The following HEBP2 variants were observed in gnomAD, a reference collection of about 807,000 sequenced individuals.
HEBP2 encodes heme-binding protein 2.
HEBP2 carries 27 observed loss-of-function variants against 23.1 expected under a neutral mutation model. The ratio of observed to expected loss-of-function variants is 1.17; its 90% CI spans 0.86 to 1.61. The LOEUF (loss-of-function observed/expected upper bound fraction) is 1.61, where lower values mean the gene tolerates loss of function less well. HEBP2 is among the 40% of genes most tolerant of loss of function. The pLI is 0.00. For synonymous variants in HEBP2, 99 were observed against 95.1 expected, an observed-to-expected ratio of 1.04 and a Z score of -0.24; for missense variants, 245 against 253.8, an observed-to-expected ratio of 0.97 and a Z score of 0.24.
Position 138,420,081 on chromosome 6 carries a change from C to T in HEBP2, c.*7003C>T, listed in dbSNP as rs1261524006. The T allele has an allele frequency of 6.6e-6, 1 of 152,278 alleles. No homozygotes were observed. The highest frequency in any genetic ancestry group is 1.5e-5 in the Non-Finnish European group (1 of 68,104). The allele number at this position is 152,278 out of a possible 1,614,324, so 9.4% of individuals were successfully genotyped here. ...CCCACTGGAGGCACCCTCTGTACTC[C>T]TTGCCCAGTTGTAACTGAATGGACT... On this transcript the variant is annotated 3_prime_UTR_variant, in exon 4 of 4. Coordinates refer to ENST00000607197, the MANE Select transcript of HEBP2 (RefSeq NM_014320.3).
chr6:138,416,715 T>C lies in HEBP2; in HGVS notation c.*3637T>C, dbSNP rs1774847875. ...CCTGACCTGTAAAGTCTCATGGAAA[T>C]AGTTGGTAGAACAAGGCATTCCTAG... On this transcript the variant is annotated 3_prime_UTR_variant, in exon 4 of 4. Transcript: ENST00000607197. The C allele has an allele frequency of 6.6e-6, 1 of 152,122 alleles. No homozygotes were observed. Among genetic ancestry groups the C allele is most frequent in the Non-Finnish European group, 1.5e-5 (1 of 68,026 alleles). The allele number at this position is 152,122 out of a possible 1,614,324, so 9.4% of individuals were successfully genotyped here. A position where few individuals can be genotyped will look rare whatever the true frequency, so the allele number is the denominator to read the frequency against.
intron 3 of HEBP2, among the ~76,000 whole-genome samples, chr6:138,411,793 A>T (rs1774749573): frequency 6.6e-6 from 1 of 152,188 alleles, no homozygotes; most frequent in Admixed American, 6.5e-5. Flanking sequence ...CCCTGTCTCT[A>T]CAGGTTTTTT....
chr6:138,410,102 A>G (rs80294191), intron 3 of HEBP2, among the ~76,000 whole-genome samples: 2,722 of 152,200 alleles, frequency 0.018, 91 homozygotes, highest in African/African-American at 0.062. Context: ...TTCTCCACCT[A>G]GCTAGGTACT....
intron 3 of HEBP2, 57 bp downstream of exon 3, chr6:138,406,208 A>G: frequency 4.1e-6 from 6 of 1,465,688 alleles, no homozygotes; most frequent in Non-Finnish European, 5.7e-6. Context: ...GCGTGCACTC[A>G]CAGTTTAGCT....
In HEBP2 at chr6:138,420,298, GC is replaced by G. The variant is rs1774899825; in HGVS notation, c.*7221del. The G allele has an allele frequency of 6.6e-6, 1 of 152,146 alleles. No individual in the cohort carries two copies. The highest frequency in any genetic ancestry group is 2.1e-4 in the South Asian group (1 of 4,820). The allele number at this position is 152,146 out of a possible 1,614,324, so 9.4% of individuals were successfully genotyped here. A position where few individuals can be genotyped will look rare whatever the true frequency, so the allele number is the denominator to read the frequency against. On this transcript the variant is annotated 3_prime_UTR_variant, in exon 4 of 4. Coordinates refer to ENST00000607197, the MANE Select transcript of HEBP2 (RefSeq NM_014320.3). ...GTTCCAAAACCATTTGCAGGAAGGT[GC>G]TATAGTTGGTCCTACCAAACTCCTC...
rs919296887 is a variant in HEBP2, at chr6:138,414,511, G to A, written c.*1433G>A. The A allele has an allele frequency of 2.6e-5, 4 of 151,988 alleles. No individual in the cohort carries two copies. The highest frequency in any genetic ancestry group is 9.7e-5 in the African/African-American group (4 of 41,334). The allele number at this position is 151,988 out of a possible 1,614,324, so 9.4% of individuals were successfully genotyped here. A position where few individuals can be genotyped will look rare whatever the true frequency, so the allele number is the denominator to read the frequency against. On this transcript the variant is annotated 3_prime_UTR_variant, in exon 4 of 4. Transcript: ENST00000607197. ...GTCAGTTTTATTCAGGATTTGAAGT[G>A]GTGGCAGACAACGTGAGGTGTGCCA...
chr6:138,406,199 C>CAGTCA, intron 3 of HEBP2, 48 bp downstream of exon 3: 1 of 1,521,566 alleles, frequency 6.6e-7, no homozygotes, highest in Non-Finnish European at 9.1e-7. Context: ...GTTTTACTTG[C>CAGTCA]GTGCACTCAC....
intron 3 of HEBP2, among the ~76,000 whole-genome samples, chr6:138,407,363 A>C (rs1240686550): frequency 6.6e-6 from 1 of 152,260 alleles, no homozygotes; most frequent in Non-Finnish European, 1.5e-5. Context: ...GGGAAAAAAG[A>C]AATGGGTAAC....
upstream of HEBP2, chr6:138,404,122 A>C: frequency 4.6e-6 from 1 of 215,778 alleles, no homozygotes; most frequent in Non-Finnish European, 9.0e-6. Context: ...GCCACCCCCT[A>C]CTGCCCGCGG....
chr6:138,406,281 T>C (rs1348184497), intron 3 of HEBP2, 130 bp downstream of exon 3: 4 of 793,348 alleles, frequency 5.0e-6, no homozygotes, highest in Non-Finnish European at 6.2e-6. Flanking sequence ...CATTTTGTGA[T>C]GTTTTCCTAC....
In HEBP2 at chr6:138,404,269, G is replaced by C. The variant is rs139293128; in HGVS notation, c.-227G>C. 2.6e-3 allele frequency: 849 copies of C among 328,184 alleles called. 4 individuals are homozygous for C. Among genetic ancestry groups the C allele is most frequent in the Middle Eastern group, 0.021 (25 of 1,198 alleles). The allele number at this position is 328,184 out of a possible 1,614,324, so 20.3% of individuals were successfully genotyped here. A position where few individuals can be genotyped will look rare whatever the true frequency, so the allele number is the denominator to read the frequency against. ...GGGGCAGGACGCGCAACTCCGGCCG[G>C]AGCTGTCCGGGGTCGTGAGCCGGCC... On this transcript the variant is annotated 5_prime_UTR_variant, in exon 1 of 4. Coordinates refer to ENST00000607197, the MANE Select transcript of HEBP2 (RefSeq NM_014320.3).
At position 138,415,759 on chromosome 6, in the gene HEBP2, A is replaced by T. The variant is rs1163870247; in HGVS notation, c.*2681A>T. 2 of 152,178 alleles carry T rather than the reference A, an allele frequency of 1.3e-5. No individual in the cohort carries two copies. The allele number at this position is 152,178 out of a possible 1,614,324, so 9.4% of individuals were successfully genotyped here. A position where few individuals can be genotyped will look rare whatever the true frequency, so the allele number is the denominator to read the frequency against. On this transcript the variant is annotated 3_prime_UTR_variant, in exon 4 of 4. Coordinates refer to ENST00000607197, the MANE Select transcript of HEBP2 (RefSeq NM_014320.3). ...GATCAAGGTTGGAATCAAACTTGGGATCCCAAAACATGGGATGGGAGCATT... is the reference window on the plus strand; with the variant it reads ...GATCAAGGTTGGAATCAAACTTGGGTTCCCAAAACATGGGATGGGAGCATT...
At chr6:138,412,074 T>C in intron 3 of HEBP2, 2 of 449,868 alleles carry the variant, frequency 4.4e-6, no homozygotes, top group Non-Finnish European at 8.9e-6. Flanking sequence ...TGTTTATTCT[T>C]TTCCTTAGGA....
chr6:138,417,348 T>C lies in HEBP2; in HGVS notation c.*4270T>C, dbSNP rs1302006389. ...TCAGGGCAGTAAACCATAATAAATA[T>C]TGCCTTGAACAGTATTTTTTAAGCA... On this transcript the variant is annotated 3_prime_UTR_variant, in exon 4 of 4. Transcript: ENST00000607197. The C allele has an allele frequency of 6.6e-6, 1 of 152,200 alleles. No individual in the cohort carries two copies. Among genetic ancestry groups the C allele is most frequent in the African/African-American group, 2.4e-5 (1 of 41,454 alleles). The allele number at this position is 152,200 out of a possible 1,614,324, so 9.4% of individuals were successfully genotyped here. A position where few individuals can be genotyped will look rare whatever the true frequency, so the allele number is the denominator to read the frequency against.
chr6:138,406,242 T>C (rs1774643431), intron 3 of HEBP2, 91 bp downstream of exon 3: 2 of 1,162,096 alleles, frequency 1.7e-6, no homozygotes, highest in African/African-American at 3.1e-5. Context: ...AAAAGGCTTT[T>C]TCACCCTTCC....
chr6:138,413,032 A>C lies in HEBP2; in HGVS notation c.572A>C (p.Glu191Ala), dbSNP rs14812. 3,962 of 1,613,984 alleles carry C rather than the reference A, an allele frequency of 2.5e-3. 7 individuals are homozygous for C. Among genetic ancestry groups the C allele is most frequent in the Non-Finnish European group, 2.8e-3 (3,346 of 1,179,944 alleles). Residue 191 changes from glutamate to alanine, a missense_variant, in exon 4 of 4, where the codon GAA (glutamate) becomes GCA (alanine). By Grantham distance (107) the Glu-to-Ala change is moderately radical. Coordinates refer to ENST00000607197, the MANE Select transcript of HEBP2 (RefSeq NM_014320.3). ...SPVKLLNRNN[E>A]VWLIQKNEPT... ...GTCAAATTGCTTAATAGAAATAATG[A>C]AGTGTGGTTGATTCAAAAAAATGAA... is the stretch of plus-strand genomic sequence containing the variant.
At position 138,404,392 on chromosome 6, in the gene HEBP2, G is replaced by GCGGGGACT. The variant is rs1774595763; in HGVS notation, c.-98_-91dup. The GCGGGGACT allele has an allele frequency of 7.1e-6, 5 of 704,288 alleles. No homozygotes were observed. Among genetic ancestry groups the GCGGGGACT allele is most frequent in the Non-Finnish European group, 9.7e-6 (5 of 517,188 alleles). The allele number at this position is 704,288 out of a possible 1,614,324, so 43.6% of individuals were successfully genotyped here. On this transcript the variant is annotated 5_prime_UTR_variant, in exon 1 of 4. Transcript: ENST00000607197. ...CGGGAGGAGGGACCGGGTCTGCGGAGCGGGGACTCGGGGCCTCGGCGGGGC... is the reference window on the plus strand; with the variant it reads ...CGGGAGGAGGGACCGGGTCTGCGGAGCGGGGACTCGGGGACTCGGGGCCTCGGCGGGGC...
rs570388852 is a variant in HEBP2, at chr6:138,417,246, G to T, written c.*4168G>T. ...TGTATAATTGAGACTGACATCCTTG[G>T]CAGGCAGAATAACCCCTACATTTGT... is the stretch of plus-strand genomic sequence containing the variant. On this transcript the variant is annotated 3_prime_UTR_variant, in exon 4 of 4. Coordinates refer to ENST00000607197, the MANE Select transcript of HEBP2 (RefSeq NM_014320.3). 3.9e-5 allele frequency: 6 copies of T among 152,330 alleles called. No individual in the cohort carries two copies. Among genetic ancestry groups the T allele is most frequent in the African/African-American group, 1.4e-4 (6 of 41,566 alleles). 9.4% of individuals were successfully genotyped at this position (152,330 alleles called of 1,614,324 possible).
At position 138,417,540 on chromosome 6, in the gene HEBP2, GGTGAGTCCA is replaced by G. The variant is rs1774859390; in HGVS notation, c.*4467_*4475del. 1 of 152,342 alleles carries G rather than the reference GGTGAGTCCA, an allele frequency of 6.6e-6. No homozygotes were observed. The highest frequency in any genetic ancestry group is 6.5e-5 in the Admixed American group (1 of 15,268). 9.4% of individuals were successfully genotyped at this position (152,342 alleles called of 1,614,324 possible). ...TCTCTGCGAGAAGGGGGAATAATGA[GGTGAGTCCA>G]GTGATTGCTCAGGCGAATGGCCTGG... On this transcript the variant is annotated 3_prime_UTR_variant, in exon 4 of 4. Transcript: ENST00000607197.
Sources: gnomAD v4.1 joint callset for allele counts (sites outside exome capture counted in the v4.1 genomes callset) on GRCh38, gnomAD v4.1.1 for gene constraint, MANE v1.5 for transcripts, NCBI Gene and HGNC (gene_info 2026-07-23, HGNC 2026-07-21) for gene names.